Variants in CDH4 observed in about 807,000 individuals in gnomAD.
CDH4 encodes the protein cadherin-4.
CDH4 carries 33 observed loss-of-function variants against 86.0 expected under a neutral mutation model. The ratio of observed to expected loss-of-function variants is 0.38; its 90% CI spans 0.29 to 0.51. CDH4 has a LOEUF of 0.51. CDH4 is among the 20% of genes least tolerant of loss of function. The pLI is 0.86. For synonymous variants in CDH4, 555 were observed against 549.4 expected, an observed-to-expected ratio of 1.01 and a Z score of -0.14; for missense variants, 1,114 against 1,307.4, an observed-to-expected ratio of 0.85 and a Z score of 2.28.
At chr20:61,716,947 G>A (rs1361871356) in intron 2 of CDH4, among the ~76,000 whole-genome samples, 1 of 152,088 alleles carries the variant, frequency 6.6e-6, no homozygotes, top group Non-Finnish European at 1.5e-5. Context: ...CAAGGTCCTT[G>A]ATGTATAACT....
intron 2 of CDH4, chr20:61,718,780 C>T: frequency 2.1e-6 from 1 of 471,130 alleles, no homozygotes; most frequent in South Asian, 1.6e-5. Flanking sequence ...TGCACACACA[C>T]ACTCTCACCA....
chr20:61,937,402 G>A lies in CDH4; in HGVS notation c.*459G>A. 6.5e-6 allele frequency: 1 copy of A among 153,996 alleles called. No individual in the cohort carries two copies. The highest frequency in any genetic ancestry group is 1.9e-4 in the East Asian group (1 of 5,244). 9.5% of individuals were successfully genotyped at this position (153,996 alleles called of 1,614,324 possible). ...AGCTCTGAAGGCATCATTCAGAAAT[G>A]GGGGAGACTGTGTCTGTCTTTCTTA... On this transcript the variant is annotated 3_prime_UTR_variant, in exon 16 of 16. Transcript: ENST00000614565.
At chr20:61,256,805 G>A (rs939716138) in intron 2 of CDH4, among the ~76,000 whole-genome samples, 14 of 152,332 alleles carry the variant, frequency 9.2e-5, no homozygotes, top group African/African-American at 2.6e-4. Context: ...GGCTGTAGTC[G>A]CATTGCTTCT....
Position 61,518,177 on chromosome 20 carries a change from A to C in CDH4, c.170-225386A>C, listed in dbSNP as rs567718594. Among the ~76,000 whole-genome samples, 52 of 152,298 alleles carry C rather than the reference A, an allele frequency of 3.4e-4. No individual in the cohort carries two copies. Among genetic ancestry groups the C allele is most frequent in the African/African-American group, 1.2e-3 (49 of 41,556 alleles). ...TGTCTGGGACACTAGGTGGGTGTTT[A>C]TTCTGCCATCATCCCTTTATCGAAC... On this transcript the variant is annotated intron_variant, in intron 2 of 15. Transcript: ENST00000614565. This position sits in a 1 kb window ranked among gnomAD's most constrained non-coding sequence, Gnocchi z 6.3.
At chr20:61,460,836 C>T (rs1005519614) in intron 2 of CDH4, among the ~76,000 whole-genome samples, 2 of 152,138 alleles carry the variant, frequency 1.3e-5, no homozygotes, top group Non-Finnish European at 2.9e-5. Context: ...GTATCTGGCT[C>T]GATGCATGGC....
In CDH4 at chr20:61,810,127, G is replaced by T. The variant is rs1405354500; in HGVS notation, c.577-34541G>T. Among the ~76,000 whole-genome samples the T allele has an allele frequency of 1.3e-5, 2 of 152,204 alleles. No homozygotes were observed. The highest frequency in any genetic ancestry group is 1.5e-5 in the Non-Finnish European group (1 of 68,026). On this transcript the variant is annotated intron_variant, in intron 4 of 15. Coordinates refer to ENST00000614565, the MANE Select transcript of CDH4 (RefSeq NM_001794.5). This position sits in a 1 kb window ranked among gnomAD's most constrained non-coding sequence, Gnocchi z 4.3. ...CAGACCTGGACGGGCCTCAGCCGGG[G>T]TGGGGTGGGGGGCACCTGAGCCTAG...
Position 61,418,306 on chromosome 20 carries a change from G to C in CDH4, c.169+163369G>C, listed in dbSNP as rs547048028. On this transcript the variant is annotated intron_variant, in intron 2 of 15. Transcript: ENST00000614565. ...GCTCACTGCAAGCTCCGCCTCCCGG[G>C]TTCACACCATTCTCCTGCCTCAGCC... 2.0e-5 allele frequency among the ~76,000 whole-genome samples: 3 copies of C among 151,370 alleles called. No homozygotes were observed. The East Asian group carries it at 5.9e-4, about 30-fold the overall frequency.
At chr20:61,527,717 G>T (rs1328992785) in intron 2 of CDH4, among the ~76,000 whole-genome samples, 2 of 152,092 alleles carry the variant, frequency 1.3e-5, no homozygotes, top group Non-Finnish European at 2.9e-5. Flanking sequence ...AGAGGGTCCT[G>T]TCCTGGTGTC....
chr20:61,276,102 T>G (rs569825117), intron 2 of CDH4, among the ~76,000 whole-genome samples: 1 of 152,198 alleles, frequency 6.6e-6, no homozygotes, highest in Admixed American at 6.5e-5. Flanking sequence ...ATTTAAAAAA[T>G]AAGTCTAGTG....
At chr20:61,372,345 T>C (rs1328794022) in intron 2 of CDH4, among the ~76,000 whole-genome samples, 1 of 152,180 alleles carries the variant, frequency 6.6e-6, no homozygotes, top group Non-Finnish European at 1.5e-5. Flanking sequence ...AGTGTTTACA[T>C]CAGAAGGAAA....
chr20:61,544,568 C>T lies in CDH4; in HGVS notation c.170-198995C>T, dbSNP rs2086063563. On this transcript the variant is annotated intron_variant, in intron 2 of 15. Coordinates refer to ENST00000614565, the MANE Select transcript of CDH4 (RefSeq NM_001794.5). The surrounding 1 kb of genome is among the most constrained non-coding windows in gnomAD (Gnocchi z 6.5). ...CCAAGCAGAGACGGTGACGGGATCCCTGCGTTGACGGTGGCATGACCGTGT... is the reference window on the plus strand; with the variant it reads ...CCAAGCAGAGACGGTGACGGGATCCTTGCGTTGACGGTGGCATGACCGTGT... 6.6e-6 allele frequency among the ~76,000 whole-genome samples: 1 copy of T among 151,762 alleles called. No individual in the cohort carries two copies. Among genetic ancestry groups the T allele is most frequent in the Non-Finnish European group, 1.5e-5 (1 of 67,964 alleles).
At chr20:61,653,021 G>A (rs1260740226) in intron 2 of CDH4, among the ~76,000 whole-genome samples, 7 of 119,842 alleles carry the variant, frequency 5.8e-5, no homozygotes, top group Non-Finnish European at 9.3e-5. Context: ...ATAGTGGAGG[G>A]AAGGTCAGCA....
chr20:61,782,951 G>A (rs1390922435), intron 4 of CDH4, among the ~76,000 whole-genome samples: 1 of 152,102 alleles, frequency 6.6e-6, no homozygotes, highest in Non-Finnish European at 1.5e-5. Flanking sequence ...CGGCCGTGGT[G>A]GCACATGCCT....
intron 2 of CDH4, among the ~76,000 whole-genome samples, chr20:61,453,215 G>A (rs2085389695): frequency 1.3e-5 from 2 of 152,288 alleles, no homozygotes; most frequent in East Asian, 3.9e-4. Flanking sequence ...ACAATTTATA[G>A]TTCTTGAAAT....
intron 2 of CDH4, among the ~76,000 whole-genome samples, chr20:61,563,635 G>T (rs945300900): frequency 2.0e-5 from 3 of 152,208 alleles, no homozygotes; most frequent in Admixed American, 6.5e-5. Context: ...CCAGGCAGCA[G>T]ATTCTCCATG....
At chr20:61,396,486 G>C (rs1202780664) in intron 2 of CDH4, among the ~76,000 whole-genome samples, 1 of 152,204 alleles carries the variant, frequency 6.6e-6, no homozygotes, top group African/African-American at 2.4e-5. Context: ...TAGACCACCT[G>C]GGGTGCTGCC....
intron 2 of CDH4, among the ~76,000 whole-genome samples, chr20:61,367,079 G>A (rs946774800): frequency 6.6e-6 from 1 of 152,102 alleles, no homozygotes; most frequent in Non-Finnish European, 1.5e-5. Context: ...TACTCACTCG[G>A]GCAGATCCAG....
intron 4 of CDH4, among the ~76,000 whole-genome samples, chr20:61,778,269 G>A (rs986586436): frequency 5.3e-5 from 8 of 152,178 alleles, no homozygotes; most frequent in African/African-American, 1.2e-4. Context: ...GATGCGGGGC[G>A]GCAAGCTGAG....
At chr20:61,847,424 G>A (rs2146105680) in intron 5 of CDH4, among the ~76,000 whole-genome samples, 1 of 152,262 alleles carries the variant, frequency 6.6e-6, no homozygotes, top group Non-Finnish European at 1.5e-5. Flanking sequence ...TCATTCCCAA[G>A]GCCCTCCTCT....
Sources: gnomAD v4.1 joint callset for allele counts (sites outside exome capture counted in the v4.1 genomes callset) on GRCh38, gnomAD v4.1.1 for gene constraint, Gnocchi (gnomAD v3.1) non-coding constraint, MANE v1.5 for transcripts, NCBI Gene and HGNC (gene_info 2026-07-23, HGNC 2026-07-21) for gene names.